The following EPHA6 variants were observed in gnomAD, a reference collection of about 807,000 sequenced individuals.
EPHA6 encodes the protein ephrin type-A receptor 6.
A neutral mutation model predicts 112.0 loss-of-function variants in EPHA6; 50 were observed. That is an observed-to-expected ratio of 0.45 (90% confidence interval 0.36 to 0.56). The LOEUF is 0.56. EPHA6 is among the 20% of genes least tolerant of loss of function. EPHA6 has a pLI of 0.00. For missense variants in EPHA6, 1,280 were observed against 1,417.4 expected (o/e 0.90, Z 1.56); for synonymous variants, 529 against 490.7 (o/e 1.08, Z -1.03).
intron 2 of EPHA6, among the ~76,000 whole-genome samples, chr3:96,901,567 G>A (rs1468508708): frequency 6.6e-6 from 1 of 151,840 alleles, no homozygotes; most frequent in African/African-American, 2.4e-5. Flanking sequence ...TAACAGATAT[G>A]ATAAAAAATA....
intron 13 of EPHA6, among the ~76,000 whole-genome samples, chr3:97,626,139 G>T (rs1050489976): frequency 6.6e-6 from 1 of 151,642 alleles, no homozygotes; most frequent in Non-Finnish European, 1.5e-5. Context: ...TTTTTTTAAG[G>T]CCCCAGCAGG....
intron 1 of EPHA6, among the ~76,000 whole-genome samples, chr3:96,857,266 A>C (rs984842844): frequency 2.0e-5 from 3 of 152,146 alleles, no homozygotes; most frequent in Non-Finnish European, 4.4e-5. Flanking sequence ...ACAATTTGAC[A>C]ATAGTACTTA....
At position 97,666,142 on chromosome 3, in the gene EPHA6, ACACATT is replaced by A. The variant is rs1416739234; in HGVS notation, c.2784+28061_2784+28066del. Among the ~76,000 whole-genome samples the A allele has an allele frequency of 4.0e-5, 6 of 151,810 alleles. No homozygotes were observed. In the East Asian group the frequency reaches 1.2e-3, roughly 29 times the overall value. On this transcript the variant is annotated intron_variant, in intron 14 of 17. Transcript: ENST00000389672. ...TTTTGTCCAAATTCAGCCCTAGATA[ACACATT>A]TTCCCCCCTTGTTTCCGATTCTGTT...
chr3:97,325,777 T>A (rs960492321), intron 5 of EPHA6, among the ~76,000 whole-genome samples: 5 of 152,274 alleles, frequency 3.3e-5, no homozygotes, highest in Admixed American at 3.3e-4. Flanking sequence ...CATACTCCTA[T>A]GGGCAGCTAT....
intron 1 of EPHA6, among the ~76,000 whole-genome samples, chr3:96,855,451 ATTTG>A (rs1193896306): frequency 6.6e-6 from 1 of 152,084 alleles, no homozygotes; most frequent in African/African-American, 2.4e-5. Context: ...TTGGTTCACA[ATTTG>A]TGTACTTGGG....
intron 3 of EPHA6, among the ~76,000 whole-genome samples, chr3:97,014,644 C>A (rs543311791): frequency 6.6e-6 from 1 of 152,258 alleles, no homozygotes; most frequent in South Asian, 2.1e-4. Flanking sequence ...AATGATCTGC[C>A]TGTGAATACA....
chr3:97,094,152 C>G (rs1188718273), intron 3 of EPHA6, among the ~76,000 whole-genome samples: 1 of 152,070 alleles, frequency 6.6e-6, no homozygotes, highest in Non-Finnish European at 1.5e-5. Flanking sequence ...CTTTTATTCC[C>G]TGTTCTGAAA....
rs192882976 is a variant in EPHA6, at chr3:96,827,380, G to A, written c.385+12372G>A. ...TTTGGAGGAGTTTATGATTTTTATG[G>A]AACAATGTGTATTATTCTTTTTTGT... On this transcript the variant is annotated intron_variant, in intron 1 of 17. Transcript: ENST00000389672. 7.8e-4 allele frequency among the ~76,000 whole-genome samples: 119 copies of A among 152,078 alleles called. 1 individual carries two copies. The highest frequency in any genetic ancestry group is 2.7e-3 in the African/African-American group (113 of 41,496).
At chr3:97,550,725 A>C (rs1322004888) in intron 11 of EPHA6, among the ~76,000 whole-genome samples, 1 of 152,180 alleles carries the variant, frequency 6.6e-6, no homozygotes, top group Non-Finnish European at 1.5e-5. Context: ...ATCCTGTGTG[A>C]TATTAAGATG....
chr3:97,124,527 A>C (rs1451530201), intron 3 of EPHA6, among the ~76,000 whole-genome samples: 2 of 149,604 alleles, frequency 1.3e-5, no homozygotes, highest in Non-Finnish European at 2.9e-5. Context: ...AACCTGGATT[A>C]TCTTTCTCAA....
chr3:96,896,114 A>G (rs1231767255), intron 2 of EPHA6, among the ~76,000 whole-genome samples: 1 of 152,120 alleles, frequency 6.6e-6, no homozygotes, highest in Non-Finnish European at 1.5e-5. Flanking sequence ...GTGACAGTAT[A>G]TATACATTTC....
chr3:97,479,240 A>G, intron 8 of EPHA6, 54 bp from the exon 9 acceptor site: 1 of 1,127,950 alleles, frequency 8.9e-7, no homozygotes, highest in Non-Finnish European at 1.3e-6. Flanking sequence ...TTGGTTTTGC[A>G]TTGTATGCAT....
intron 3 of EPHA6, among the ~76,000 whole-genome samples, chr3:97,202,752 G>A (rs182317941): frequency 6.6e-6 from 1 of 152,122 alleles, no homozygotes; most frequent in Non-Finnish European, 1.5e-5. Context: ...CACTTTCTGA[G>A]CAAACCCCTA....
At chr3:97,267,528 G>A (rs1342006914) in intron 5 of EPHA6, among the ~76,000 whole-genome samples, 1 of 151,880 alleles carries the variant, frequency 6.6e-6, no homozygotes. Context: ...ATAAATATTG[G>A]TTGACTAAAG....
intron 3 of EPHA6, among the ~76,000 whole-genome samples, chr3:97,063,356 G>A (rs1252936292): frequency 2.0e-5 from 3 of 152,308 alleles, no homozygotes; most frequent in African/African-American, 7.2e-5. Context: ...ATACACCATG[G>A]AATACTATGC....
intron 3 of EPHA6, among the ~76,000 whole-genome samples, chr3:97,195,676 G>T (rs1466900094): frequency 1.3e-5 from 2 of 151,972 alleles, no homozygotes; most frequent in Admixed American, 1.3e-4. Context: ...GACAGGTCTG[G>T]TGTTGATGAA....
At chr3:97,627,501 A>G (rs1032804000) in intron 13 of EPHA6, among the ~76,000 whole-genome samples, 9 of 151,858 alleles carry the variant, frequency 5.9e-5, no homozygotes, top group African/African-American at 2.2e-4. Flanking sequence ...TAGTAATAGC[A>G]AGTGCCAGTT....
intron 15 of EPHA6, among the ~76,000 whole-genome samples, 159 bp from the exon 16 acceptor site, chr3:97,735,766 T>C (rs2107849256): frequency 6.6e-6 from 1 of 152,064 alleles, no homozygotes; most frequent in African/African-American, 2.4e-5. Flanking sequence ...GCAATTTTTG[T>C]TCACAGCTTT....
At chr3:97,043,020 C>T (rs898749587) in intron 3 of EPHA6, among the ~76,000 whole-genome samples, 39 of 152,140 alleles carry the variant, frequency 2.6e-4, no homozygotes, top group Non-Finnish European at 7.4e-5. Context: ...TGTCTTATTG[C>T]AAACCACTGA....
Sources: allele counts gnomAD v4.1 joint callset (sites outside exome capture counted in the v4.1 genomes callset), GRCh38; gene constraint gnomAD v4.1.1; transcripts MANE v1.5; gene names NCBI Gene and HGNC (gene_info 2026-07-23, HGNC 2026-07-21).